Variants in MSN observed in about 807,000 individuals in gnomAD.
The protein encoded by MSN is epididymis luminal protein 70.
MSN carries 2 observed loss-of-function variants against 48.0 expected under a neutral mutation model. The ratio of observed to expected loss-of-function variants is 0.04; its 90% CI spans 0.02 to 0.13. MSN has a LOEUF of 0.13. Among genes scored for constraint, MSN ranks in the 10% least tolerant of loss-of-function variants. The pLI, the probability that MSN is intolerant of heterozygous loss-of-function variation, is 1.00. For synonymous variants in MSN, 146 were observed against 166.9 expected (o/e 0.87, Z 0.97); for missense variants, 267 against 470.1 (o/e 0.57, Z 3.99).
chrX:65,738,520 C>T lies in MSN; in HGVS notation c.1252-5C>T, dbSNP rs375819780. The T allele has an allele frequency of 2.2e-5, 27 of 1,200,395 alleles. No individual in the cohort carries two copies. The South Asian group carries it at 3.1e-4, about 14-fold the overall frequency. ...AGCTCTCACAGGCTTCCAATTTATCCGTAGGCCTTGGAAATGGCAGAGCTG... is the reference window on the plus strand; with the variant it reads ...AGCTCTCACAGGCTTCCAATTTATCTGTAGGCCTTGGAAATGGCAGAGCTG... On this transcript the variant is annotated splice_polypyrimidine_tract_variant and splice_region_variant and intron_variant, in intron 10 of 12. Coordinates refer to ENST00000360270, the MANE Select transcript of MSN (RefSeq NM_002444.3).
At chrX:65,698,876 C>G (rs768096388) in intron 1 of MSN, among the ~76,000 whole-genome samples, 3 of 112,157 alleles carry the variant, frequency 2.7e-5, no homozygotes, top group Non-Finnish European at 5.6e-5. Flanking sequence ...TAGAGGCCAA[C>G]TAGACCAACC....
At chrX:65,730,805 C>T (rs907704686) in intron 4 of MSN, among the ~76,000 whole-genome samples, 5 of 111,355 alleles carry the variant, frequency 4.5e-5, no homozygotes, top group Non-Finnish European at 5.7e-5. Flanking sequence ...AAACTCCTGA[C>T]ACATTACTGC....
intron 1 of MSN, among the ~76,000 whole-genome samples, chrX:65,598,309 G>C (rs972810711): frequency 3.7e-5 from 4 of 109,578 alleles, no homozygotes; most frequent in Admixed American, 3.0e-4. Flanking sequence ...GCAGGAATTA[G>C]AGACAGACAG....
intron 1 of MSN, among the ~76,000 whole-genome samples, chrX:65,657,210 A>C (rs1200172623): frequency 1.8e-5 from 2 of 111,790 alleles, no homozygotes; most frequent in Non-Finnish European, 3.8e-5. Context: ...GAAACTGTGC[A>C]CACAAAAGAC....
chrX:65,617,822 C>T (rs1173188783), intron 1 of MSN, among the ~76,000 whole-genome samples: 1 of 109,480 alleles, frequency 9.1e-6, no homozygotes, highest in Non-Finnish European at 1.9e-5. Flanking sequence ...TGGATCTTTC[C>T]TGCTTTCTCT....
chrX:65,706,813 A>C (rs1429719297), intron 1 of MSN, among the ~76,000 whole-genome samples: 1 of 111,799 alleles, frequency 8.9e-6, no homozygotes, highest in Non-Finnish European at 1.9e-5. Context: ...GTTCATTTCC[A>C]TCCTTCTGTC....
intron 1 of MSN, among the ~76,000 whole-genome samples, chrX:65,678,928 G>A (rs943222938): frequency 8.9e-6 from 1 of 111,978 alleles, no homozygotes; most frequent in Admixed American, 9.5e-5. Context: ...CTTGGAAAGC[G>A]TGTAGCAGAG....
intron 1 of MSN, among the ~76,000 whole-genome samples, chrX:65,631,431 G>A (rs1251975189): frequency 9.0e-6 from 1 of 110,944 alleles, no homozygotes; most frequent in Non-Finnish European, 1.9e-5. Context: ...CCACTATTCT[G>A]TTTTCCATGC....
intron 1 of MSN, among the ~76,000 whole-genome samples, chrX:65,605,697 A>G (rs2070272919): frequency 9.1e-6 from 1 of 110,350 alleles, no homozygotes; most frequent in African/African-American, 3.3e-5. Context: ...TCCTTTTCTC[A>G]CCGTGATTCA....
chrX:65,605,993 A>C (rs1310075012), intron 1 of MSN, among the ~76,000 whole-genome samples: 1 of 111,195 alleles, frequency 9.0e-6, no homozygotes. Flanking sequence ...CCCATGCTGG[A>C]GTGCAGTGGC....
At chrX:65,669,545 T>C (rs1485653470) in intron 1 of MSN, among the ~76,000 whole-genome samples, 1 of 111,797 alleles carries the variant, frequency 8.9e-6, no homozygotes, top group African/African-American at 3.3e-5. Context: ...TTTATTGTTT[T>C]CCTGGGAATG....
chrX:65,726,464 G>A (rs2071568781), intron 2 of MSN, among the ~76,000 whole-genome samples: 1 of 111,341 alleles, frequency 9.0e-6, no homozygotes, highest in African/African-American at 3.3e-5. Context: ...CACATGATTG[G>A]TGCTTAATAA....
rs1345270144 is a variant in MSN at position 65,718,644 on chromosome X, CCT to C, written c.96+1744_96+1745del. Reference sequence around the variant, plus strand: ...ACCAGCCTGGGTAACACAGCGAGACCCTGTCTCTACAAAAAATTTAAAAATTA... The same window carrying C: ...ACCAGCCTGGGTAACACAGCGAGACCGTCTCTACAAAAAATTTAAAAATTA... On this transcript the variant is annotated intron_variant, in intron 2 of 12. Coordinates refer to ENST00000360270, the MANE Select transcript of MSN (RefSeq NM_002444.3). Among the ~76,000 whole-genome samples, 4 of 109,355 alleles carry C rather than the reference CCT, an allele frequency of 3.7e-5. No individual in the cohort carries two copies. The East Asian group carries it at 1.1e-3, about 31-fold the overall frequency. 95.0% of individuals were successfully genotyped at this position (109,355 alleles called of 115,157 possible).
intron 1 of MSN, among the ~76,000 whole-genome samples, chrX:65,708,742 G>A (rs1229890452): frequency 9.0e-6 from 1 of 110,951 alleles, no homozygotes; most frequent in Non-Finnish European, 1.9e-5. Context: ...GAGTGCAGTG[G>A]CATGATCTTG....
chrX:65,684,193 C>T (rs966607888), intron 1 of MSN, among the ~76,000 whole-genome samples: 3 of 111,258 alleles, frequency 2.7e-5, no homozygotes, highest in Non-Finnish European at 5.7e-5. Context: ...CCACCTGCCT[C>T]GGCCTCCCAA....
At chrX:65,644,507 C>G (rs1052470033) in intron 1 of MSN, among the ~76,000 whole-genome samples, 4 of 111,754 alleles carry the variant, frequency 3.6e-5, no homozygotes, top group Non-Finnish European at 3.8e-5. Flanking sequence ...ACCTCTCTGA[C>G]CCCCATAATC....
At chrX:65,634,910 G>A (rs2070587476) in intron 1 of MSN, among the ~76,000 whole-genome samples, 1 of 111,009 alleles carries the variant, frequency 9.0e-6, no homozygotes, top group Non-Finnish European at 1.9e-5. Flanking sequence ...AGTACCCCTC[G>A]GACACTGGAC....
At chrX:65,713,121 A>G (rs1455274228) in intron 1 of MSN, among the ~76,000 whole-genome samples, 1 of 111,916 alleles carries the variant, frequency 8.9e-6, no homozygotes, top group African/African-American at 3.2e-5. Flanking sequence ...TACTATTACT[A>G]CTGCTACCAT....
chrX:65,651,863 G>T (rs1444580126), intron 1 of MSN, among the ~76,000 whole-genome samples: 1 of 107,532 alleles, frequency 9.3e-6, no homozygotes, highest in South Asian at 4.2e-4. Context: ...CTCCCAAAGC[G>T]TTGGGATTAC....
Sources: gnomAD v4.1 joint callset for allele counts (sites outside exome capture counted in the v4.1 genomes callset) on GRCh38, gnomAD v4.1.1 for gene constraint, MANE v1.5 for transcripts, NCBI Gene and HGNC (gene_info 2026-07-23, HGNC 2026-07-21) for gene names.